The following MANEA variants were observed in gnomAD, a reference collection of about 807,000 sequenced individuals.
MANEA encodes the protein mannosidase endo-alpha, also known as glycoprotein endo-alpha-1,2-mannosidase.
Under a neutral mutation model 36.8 loss-of-function variants are expected in MANEA, and 25 were observed. That is an observed-to-expected ratio of 0.68 (90% CI 0.50 to 0.95). The LOEUF (loss-of-function observed/expected upper bound fraction) is 0.95. MANEA is among the 40% of genes least tolerant of loss of function. MANEA has a pLI of 0.00. For missense variants in MANEA, 565 were observed against 558.8 expected (o/e 1.01, Z -0.11); for synonymous variants, 198 against 188.5 (o/e 1.05, Z -0.41).
At chr6:95,605,628 C>A in intron 4 of MANEA, 120 bp from the exon 5 acceptor site, 1 of 664,720 alleles carries the variant, frequency 1.5e-6, no homozygotes, top group Non-Finnish European at 2.6e-6. Flanking sequence ...ACTGATTCCC[C>A]TAAGAAATGG....
At chr6:95,579,785 G>T (rs1769145377) in intron 1 of MANEA, among the ~76,000 whole-genome samples, 2 of 152,126 alleles carry the variant, frequency 1.3e-5, no homozygotes, top group African/African-American at 4.8e-5. Flanking sequence ...CTTCAAGTCA[G>T]CATTTCAAAG....
chr6:95,583,299 T>C lies in MANEA; in HGVS notation c.-38-3103T>C, dbSNP rs535854749. On this transcript the variant is annotated intron_variant, in intron 1 of 4. Transcript: ENST00000358812. ...TAATTAATATTGTTTCCCAAGAGTT[T>C]TATAAATTTAAATACATTTAATTAT... 2.6e-5 allele frequency among the ~76,000 whole-genome samples: 4 copies of C among 152,136 alleles called. No individual in the cohort carries two copies. The East Asian group carries it at 7.7e-4, about 29-fold the overall frequency.
chr6:95,596,636 T>G, intron 2 of MANEA, 101 bp from the exon 3 acceptor site: 1 of 625,142 alleles, frequency 1.6e-6, no homozygotes. Context: ...CGTATAAATA[T>G]GTTCTTCTAT....
intron 3 of MANEA, among the ~76,000 whole-genome samples, chr6:95,599,837 T>A (rs1224170906): frequency 1.3e-5 from 2 of 152,188 alleles, no homozygotes; most frequent in Non-Finnish European, 2.9e-5. Flanking sequence ...TAGCAAGAGC[T>A]GTCACCTGCC....
At chr6:95,587,090 T>C in intron 2 of MANEA, 107 bp downstream of exon 2, 1 of 711,896 alleles carries the variant, frequency 1.4e-6, no homozygotes, top group Non-Finnish European at 2.4e-6. Context: ...TTAATTATAT[T>C]GTTAAGCTCA....
At chr6:95,598,403 G>A (rs1194659792) in intron 3 of MANEA, among the ~76,000 whole-genome samples, 1 of 152,096 alleles carries the variant, frequency 6.6e-6, no homozygotes, top group Non-Finnish European at 1.5e-5. Context: ...TGAGGCTAGA[G>A]GATCCACTAA....
At position 95,577,549 on chromosome 6, in the gene MANEA, G is replaced by C. The variant is rs917018809; in HGVS notation, c.-128G>C. The C allele has an allele frequency of 3.9e-5, 6 of 152,406 alleles. No homozygotes were observed. Among genetic ancestry groups the C allele is most frequent in the African/African-American group, 1.4e-4 (6 of 41,468 alleles). 9.4% of individuals were successfully genotyped at this position (152,406 alleles called of 1,614,324 possible). On this transcript the variant is annotated 5_prime_UTR_variant, in exon 1 of 5. Transcript: ENST00000358812. ...CCTTCGGGGAGGAGGGGCTGTCTGG[G>C]CTCGGGGCGCGGCGGCAGTCAGCTC...
intron 2 of MANEA, among the ~76,000 whole-genome samples, chr6:95,590,377 G>T (rs1769365485): frequency 6.6e-6 from 1 of 152,116 alleles, no homozygotes; most frequent in African/African-American, 2.4e-5. Flanking sequence ...AAATGAGCAA[G>T]TCACATTTCC....
chr6:95,582,173 CTTTTTTTT>C (rs67978183), intron 1 of MANEA, among the ~76,000 whole-genome samples: 2 of 79,384 alleles, frequency 2.5e-5, no homozygotes, highest in African/African-American at 4.6e-5. Flanking sequence ...GTTGTATCAT[CTTTTTTTT>C]TTTTTTTTTT....
At chr6:95,585,797 T>G (rs552548844) in intron 1 of MANEA, among the ~76,000 whole-genome samples, 1 of 152,256 alleles carries the variant, frequency 6.6e-6, no homozygotes, top group South Asian at 2.1e-4. Flanking sequence ...AATGACTGGG[T>G]TTTTCATACA....
intron 2 of MANEA, among the ~76,000 whole-genome samples, chr6:95,591,937 C>T (rs1024698046): frequency 2.6e-5 from 4 of 152,176 alleles, no homozygotes; most frequent in African/African-American, 4.8e-5. Flanking sequence ...CTCCTGAGCT[C>T]GTTATCCACC....
chr6:95,584,002 G>A (rs1439947992), intron 1 of MANEA, among the ~76,000 whole-genome samples: 1 of 152,162 alleles, frequency 6.6e-6, no homozygotes, highest in African/African-American at 2.4e-5. Context: ...AACATAAATT[G>A]TGAAGATTTC....
Position 95,605,867 on chromosome 6 carries a change from C to T in MANEA, c.851C>T (p.Thr284Ile). 4 of 1,614,014 alleles carry T rather than the reference C, an allele frequency of 2.5e-6. No homozygotes were observed. The highest frequency in any genetic ancestry group is 3.4e-6 in the Non-Finnish European group (4 of 1,179,968). ...KPEKWANLLT[T>I]SGSRSIRNSP... is the part of the protein sequence containing the mutation. The stretch of plus-strand genomic sequence containing the variant: ...GAAAAATGGGCCAATCTGTTAACCA[C>T]CTCAGGGTCTCGGAGTATTCGCAAT... Residue 284 changes from threonine (T) to isoleucine (I), a missense_variant, in exon 5 of 5, where the codon ACC becomes ATC. By Grantham distance (89) the Thr-to-Ile change is moderately conservative. Transcript: ENST00000358812.
intron 1 of MANEA, among the ~76,000 whole-genome samples, chr6:95,577,892 C>A (rs529552061): frequency 6.6e-6 from 1 of 152,380 alleles, no homozygotes; most frequent in African/African-American, 2.4e-5. Flanking sequence ...CTGCCTTTTA[C>A]ACTGCTTTAT....
In MANEA at chr6:95,586,918, G is replaced by A; in HGVS notation, c.479G>A (p.Ser160Asn). 2 of 1,613,384 alleles carry A rather than the reference G, an allele frequency of 1.2e-6. No individual in the cohort carries two copies. The highest frequency in any genetic ancestry group is 1.7e-6 in the Non-Finnish European group (2 of 1,179,540). ...IGSSFYPELG[S>N]YSSRDPSVIE... Reference sequence around the variant, plus strand: ...TCCAGCTTTTATCCTGAATTGGGAAGTTACAGTTCTCGGGATCCTTCTGTC... The same window carrying A: ...TCCAGCTTTTATCCTGAATTGGGAAATTACAGTTCTCGGGATCCTTCTGTC... The change falls in exon 2 of 5, where the codon AGT (serine) becomes AAT (asparagine). Residue 160 changes from serine to asparagine, a missense_variant. Ser to Asn is a conservative substitution (Grantham distance 46). Transcript: ENST00000358812.
At position 95,606,944 on chromosome 6, in the gene MANEA, T is replaced by C. The variant is rs1008094311; in HGVS notation, c.*539T>C. ...AAATTCTTAAGAATAACAAAATCAC[T>C]GTACCTTCCTCTCAATTTTGCTGTG... On this transcript the variant is annotated 3_prime_UTR_variant, in exon 5 of 5. Transcript: ENST00000358812. 2.0e-5 allele frequency: 3 copies of C among 152,124 alleles called. No homozygotes were observed. Among genetic ancestry groups the C allele is most frequent in the African/African-American group, 7.2e-5 (3 of 41,438 alleles). The allele number at this position is 152,124 out of a possible 1,614,324, so 9.4% of individuals were successfully genotyped here.
chr6:95,591,521 C>G (rs1047203496), intron 2 of MANEA, among the ~76,000 whole-genome samples: 2 of 151,534 alleles, frequency 1.3e-5, no homozygotes, highest in Admixed American at 6.6e-5. Context: ...TTGTTGTTTT[C>G]TGGCTGCATT....
chr6:95,579,376 A>G (rs1475881361), intron 1 of MANEA, among the ~76,000 whole-genome samples: 2 of 151,322 alleles, frequency 1.3e-5, no homozygotes, highest in Admixed American at 6.6e-5. Context: ...CATCTCAAAA[A>G]CAAAACAAAA....
intron 3 of MANEA, among the ~76,000 whole-genome samples, chr6:95,601,353 C>CA (rs1381887999): frequency 6.6e-6 from 1 of 152,168 alleles, no homozygotes; most frequent in Non-Finnish European, 1.5e-5. Flanking sequence ...CCCCTGCATG[C>CA]AAAGAGTAAG....
Sources: allele counts gnomAD v4.1 joint callset (sites outside exome capture counted in the v4.1 genomes callset), GRCh38; gene constraint gnomAD v4.1.1; transcripts MANE v1.5; gene names NCBI Gene and HGNC (gene_info 2026-07-23, HGNC 2026-07-21).